NHSL3: variants seen among roughly 807,000 people sequenced by gnomAD.
NHSL3 encodes the protein NHS like 3.
At chr1:32,771,513 G>A in the NHSL3 span, 1 of 1,591,254 alleles carries the variant, frequency 6.3e-7, no homozygotes, top group Admixed American at 1.7e-5. Flanking sequence ...CTGCCCCTGA[G>A]GAGCAGGACC....
At chr1:32,770,870 C>A in the NHSL3 span, 2 of 1,608,698 alleles carry the variant, frequency 1.2e-6, no homozygotes, top group South Asian at 2.2e-5. The surrounding 1 kb of genome is among the most constrained non-coding windows in gnomAD (Gnocchi z 8.3). Context: ...GGCTTGTCTC[C>A]GGGTGGTTCC....
At chr1:32,771,802 G>T in the NHSL3 span, 1 of 1,613,036 alleles carries the variant, frequency 6.2e-7, no homozygotes. Context: ...GGAGGACGTA[G>T]GTGCGCCCCT....
At chr1:32,768,921 C>T in the NHSL3 span, 32 of 1,010,650 alleles carry the variant, frequency 3.2e-5, no homozygotes, top group East Asian at 2.7e-4. Context: ...CTTGCACATT[C>T]GTGATACACA....
At chr1:32,756,926 G>A in the NHSL3 span, among the ~76,000 whole-genome samples, 16 of 152,256 alleles carry the variant, frequency 1.1e-4, no homozygotes, top group Non-Finnish European at 1.6e-4. Context: ...CCGAGATTGC[G>A]CCACTGCACT....
chr1:32,748,478 C>T, the NHSL3 span, among the ~76,000 whole-genome samples: 2 of 152,224 alleles, frequency 1.3e-5, no homozygotes, highest in Non-Finnish European at 2.9e-5. Flanking sequence ...CATGTGTTTT[C>T]CCCTTCTGTG....
At chr1:32,749,951 C>T in the NHSL3 span, among the ~76,000 whole-genome samples, 1 of 152,192 alleles carries the variant, frequency 6.6e-6, no homozygotes, top group Non-Finnish European at 1.5e-5. Flanking sequence ...AGCCTCCCCT[C>T]AGCACTTGCT....
chr1:32,767,871 A>G, the NHSL3 span: 1 of 1,613,918 alleles, frequency 6.2e-7, no homozygotes, highest in African/African-American at 1.3e-5. Context: ...CACCAGGACA[A>G]CGTCTTCTTT....
the NHSL3 span, among the ~76,000 whole-genome samples, chr1:32,752,129 T>G: frequency 6.6e-6 from 1 of 152,176 alleles, no homozygotes; most frequent in Non-Finnish European, 1.5e-5. Context: ...CTGTGCAAAG[T>G]GTACACGCAG....
chr1:32,771,385 T>G, the NHSL3 span: 1 of 753,250 alleles, frequency 1.3e-6, no homozygotes, highest in Non-Finnish European at 1.8e-6. Context: ...CCCACCCCCA[T>G]CTTATCATCC....
chr1:32,754,517 C>A, the NHSL3 span, among the ~76,000 whole-genome samples: 2 of 152,116 alleles, frequency 1.3e-5, no homozygotes, highest in Non-Finnish European at 2.9e-5. Context: ...ACATGTATAC[C>A]TATGCATGCG....
the NHSL3 span, chr1:32,771,976 G>A: frequency 6.2e-7 from 1 of 1,606,560 alleles, no homozygotes; most frequent in Non-Finnish European, 8.5e-7. Context: ...GCTCCATGCT[G>A]CGGTCCGACT....
the NHSL3 span, chr1:32,770,463 C>G: frequency 6.3e-7 from 1 of 1,598,592 alleles, no homozygotes; most frequent in Non-Finnish European, 8.5e-7. This position sits in a 1 kb window ranked among gnomAD's most constrained non-coding sequence, Gnocchi z 8.3. Context: ...TTGTGTCTGA[C>G]GGTTCCACCC....
chr1:32,746,122 T>C, the NHSL3 span, among the ~76,000 whole-genome samples: 28 of 150,214 alleles, frequency 1.9e-4, no homozygotes, highest in African/African-American at 6.6e-4. Context: ...TCCCAGCTAC[T>C]TGGGAGGCTG....
the NHSL3 span, among the ~76,000 whole-genome samples, chr1:32,743,280 C>T: frequency 6.6e-6 from 1 of 152,194 alleles, no homozygotes; most frequent in African/African-American, 2.4e-5. Context: ...GTCCTTTAAC[C>T]ACCTCTTCTG....
At chr1:32,768,631 G>T in the NHSL3 span, 7 of 1,613,456 alleles carry the variant, frequency 4.3e-6, no homozygotes, top group Admixed American at 1.7e-5. Context: ...GCCCCACCCA[G>T]ATCTCCTTCT....
At chr1:32,748,802 T>C in the NHSL3 span, among the ~76,000 whole-genome samples, 5 of 152,036 alleles carry the variant, frequency 3.3e-5, no homozygotes, top group Non-Finnish European at 7.4e-5. Context: ...CCAGAGGAGT[T>C]TGGGGTTTCT....
chr1:32,748,140 G>A, the NHSL3 span, among the ~76,000 whole-genome samples: 4 of 152,002 alleles, frequency 2.6e-5, no homozygotes, highest in East Asian at 1.9e-4. Context: ...TTAGCCAGGC[G>A]TAGTGGCAGG....
At chr1:32,746,884 C>T in the NHSL3 span, among the ~76,000 whole-genome samples, 1 of 152,128 alleles carries the variant, frequency 6.6e-6, no homozygotes, top group Non-Finnish European at 1.5e-5. Flanking sequence ...GTATGTAGTC[C>T]TCCTGAGGGT....
At chr1:32,742,002 G>A in the NHSL3 span, 3 of 1,215,154 alleles carry the variant, frequency 2.5e-6, no homozygotes, top group Non-Finnish European at 2.0e-6. Flanking sequence ...AGGAGCCGGG[G>A]AACCCGGGCG....
Sources: gnomAD v4.1 joint callset for allele counts (sites outside exome capture counted in the v4.1 genomes callset) on GRCh38, gnomAD v4.1.1 for gene constraint, Gnocchi (gnomAD v3.1) non-coding constraint, MANE v1.5 for transcripts, NCBI Gene and HGNC (gene_info 2026-07-23, HGNC 2026-07-21) for gene names.